The following LOXHD1 variants were observed in gnomAD, a reference collection of about 807,000 sequenced individuals.
LOXHD1 encodes the protein lipoxygenase homology PLAT domains 1, also known as lipoxygenase homology domain-containing protein 1.
In LOXHD1, 205 loss-of-function variants were observed where a neutral mutation model predicts 248.2. The ratio of observed to expected loss-of-function variants is 0.83; its 90% CI spans 0.74 to 0.93. LOXHD1 has a LOEUF of 0.93. Ranked by LOEUF, LOXHD1 falls within the 40% of genes least tolerant of loss-of-function variation. The probability of loss-of-function intolerance (pLI) is 0.00; values close to 1 mark genes in which losing one functional copy is unlikely to be tolerated. For synonymous variants in LOXHD1, 1,113 were observed against 1,162.8 expected (o/e 0.96, Z 0.87); for missense variants, 2,930 against 2,971.6 (o/e 0.99, Z 0.33).
intron 12 of LOXHD1, among the ~76,000 whole-genome samples, chr18:46,591,408 G>A (rs960000930): frequency 3.9e-5 from 6 of 152,172 alleles, no homozygotes; most frequent in Non-Finnish European, 7.4e-5. Context: ...TACCAGTACC[G>A]TGCTTCTATA....
At chr18:46,509,847 GAAGC>G (rs2034847637) in intron 34 of LOXHD1, 32 bp from the exon 35 acceptor site, 1 of 784,718 alleles carries the variant, frequency 1.3e-6, no homozygotes, top group Non-Finnish European at 2.0e-6. Context: ...ATGAAGAAGG[GAAGC>G]TGGCCATTGG....
rs1283823427 is a variant in LOXHD1 at position 46,560,718 on chromosome 18, C to CAG, written c.2599-174_2599-173insCT. Among the ~76,000 whole-genome samples, 12 of 152,346 alleles carry CAG rather than the reference C, an allele frequency of 7.9e-5. No individual in the cohort carries two copies. The East Asian group carries it at 2.3e-3, about 29-fold the overall frequency. On this transcript the variant is annotated intron_variant, in intron 18 of 40. Transcript: ENST00000642948. ...CACCACCTCCCTCTCTCCGGCCACACCTGTCCTGGGTCCCCTGGGATTACC... is the reference window on the plus strand; with the variant it reads ...CACCACCTCCCTCTCTCCGGCCACACAGCTGTCCTGGGTCCCCTGGGATTACC...
At chr18:46,483,809 CG>C in intron 39 of LOXHD1, 64 bp from the exon 40 acceptor site, 1 of 1,509,008 alleles carries the variant, frequency 6.6e-7, no homozygotes, top group Admixed American at 2.0e-5. Context: ...AAGCATTTGT[CG>C]GGGGCCTGCT....
intron 4 of LOXHD1, among the ~76,000 whole-genome samples, chr18:46,623,656 G>A (rs1423570619): frequency 3.9e-5 from 6 of 152,254 alleles, no homozygotes; most frequent in African/African-American, 1.4e-4. Context: ...CAGGAAATCC[G>A]TCCCTTGCCG....
intron 1 of LOXHD1, among the ~76,000 whole-genome samples, chr18:46,654,356 A>C (rs1349998615): frequency 2.0e-5 from 3 of 152,194 alleles, no homozygotes; most frequent in African/African-American, 7.2e-5. Flanking sequence ...TTGCATCCCA[A>C]CAGATGCTGG....
intron 2 of LOXHD1, among the ~76,000 whole-genome samples, chr18:46,645,916 A>G (rs1167028933): frequency 6.6e-6 from 1 of 152,202 alleles, no homozygotes; most frequent in Non-Finnish European, 1.5e-5. Flanking sequence ...GGGATGAGAC[A>G]TGACGAGAGA....
At chr18:46,528,291 G>C (rs2035912048) in intron 29 of LOXHD1, among the ~76,000 whole-genome samples, 1 of 152,100 alleles carries the variant, frequency 6.6e-6, no homozygotes. Flanking sequence ...AGTGCATGGA[G>C]AGGAGAAGGA....
At chr18:46,590,317 G>T (rs1009951496) in intron 12 of LOXHD1, among the ~76,000 whole-genome samples, 1 of 152,188 alleles carries the variant, frequency 6.6e-6, no homozygotes, top group African/African-American at 2.4e-5. Flanking sequence ...AGACCGGAAA[G>T]GATTCATCAG....
chr18:46,537,757 A>G (rs1282402787), intron 26 of LOXHD1, among the ~76,000 whole-genome samples: 2 of 152,224 alleles, frequency 1.3e-5, no homozygotes, highest in African/African-American at 4.8e-5. Flanking sequence ...ACCCTAGCCC[A>G]TGACCACTGG....
intron 17 of LOXHD1, among the ~76,000 whole-genome samples, chr18:46,563,929 T>G (rs997995027): frequency 6.6e-6 from 1 of 151,936 alleles, no homozygotes; most frequent in African/African-American, 2.4e-5. Flanking sequence ...GAGAGAGCGA[T>G]CCATCGAAAA....
intron 4 of LOXHD1, among the ~76,000 whole-genome samples, chr18:46,633,537 GA>G (rs1305848808): frequency 2.0e-5 from 3 of 152,084 alleles, no homozygotes; most frequent in Non-Finnish European, 4.4e-5. Context: ...AAACATGGGA[GA>G]AAAATCTTCA....
intron 25 of LOXHD1, 75 bp from the exon 26 acceptor site, chr18:46,538,412 T>C: frequency 7.0e-7 from 1 of 1,421,446 alleles, no homozygotes; most frequent in Non-Finnish European, 9.7e-7. Context: ...AGCCAGTTCT[T>C]CACCAGCACA....
In LOXHD1 at chr18:46,632,725, C is replaced by T. The variant is rs140364614; in HGVS notation, c.511+6891G>A. On this transcript the variant is annotated intron_variant, in intron 4 of 40. Transcript: ENST00000642948. ...ACTCTGTTCCCAGGGATAATAAATGCGGATATGCTGGAAAAGCGGTTGCCA... is the reference window on the plus strand; with the variant it reads ...ACTCTGTTCCCAGGGATAATAAATGTGGATATGCTGGAAAAGCGGTTGCCA... 3.2e-3 allele frequency among the ~76,000 whole-genome samples: 491 copies of T among 152,248 alleles called. 4 individuals carry two copies. Among genetic ancestry groups the T allele is most frequent in the African/African-American group, 0.011 (449 of 41,550 alleles).
intron 12 of LOXHD1, among the ~76,000 whole-genome samples, chr18:46,588,071 T>C (rs2038095280): frequency 6.6e-6 from 1 of 152,156 alleles, no homozygotes; most frequent in Non-Finnish European, 1.5e-5. Flanking sequence ...AGGACGTCTT[T>C]ACACATTATA....
chr18:46,649,522 T>G (rs328180), intron 1 of LOXHD1, among the ~76,000 whole-genome samples: 139,022 of 152,242 alleles, frequency 0.91, 63,535 homozygotes, highest in African/African-American at 0.93. Flanking sequence ...GTCCTGCACG[T>G]TATCAACACC....
intron 5 of LOXHD1, among the ~76,000 whole-genome samples, chr18:46,613,872 C>T (rs2038544486): frequency 6.6e-6 from 1 of 152,110 alleles, no homozygotes; most frequent in African/African-American, 2.4e-5. Context: ...CTGGAATAAA[C>T]CCTACAGAGT....
rs71162809 is a variant in LOXHD1, at chr18:46,573,022, CAAAAAA to C, written c.1971-866_1971-861del. Among the ~76,000 whole-genome samples the C allele has an allele frequency of 3.8e-4, 22 of 57,392 alleles. No homozygotes were observed. In the East Asian group the frequency reaches 0.011, roughly 29 times the overall value. The allele number at this position is 57,392 out of a possible 152,430, so 37.7% of individuals were successfully genotyped here. On this transcript the variant is annotated intron_variant, in intron 14 of 40. Coordinates refer to ENST00000642948, the MANE Select transcript of LOXHD1 (RefSeq NM_001384474.1). ...TGGGCGACAGGGTGAGACTCCGTCT[CAAAAAA>C]AAAAAAAAAAAAAAAAAAGACAGGA...
chr18:46,560,048 T>TGCCCCC, intron 19 of LOXHD1, 35 bp downstream of exon 19: 7 of 1,226,294 alleles, frequency 5.7e-6, no homozygotes, highest in Non-Finnish European at 7.9e-6. Context: ...GTCTGGCCAC[T>TGCCCCC]CCCTCCCCAC....
rs1421841804 is a variant in LOXHD1 at position 46,657,105 on chromosome 18, C to T, written c.-72G>A. On this transcript the variant is annotated 5_prime_UTR_variant, in exon 1 of 41. Coordinates refer to ENST00000642948, the MANE Select transcript of LOXHD1 (RefSeq NM_001384474.1). ...TCCTCACACCTGCGGGAACCTGAGA[C>T]CTCCTCCCTGAGCTCTGGCGCCCAC... The T allele has an allele frequency of 1.9e-6, 3 of 1,549,374 alleles. No individual in the cohort carries two copies. Among genetic ancestry groups the T allele is most frequent in the South Asian group, 1.2e-5 (1 of 83,814 alleles).
Sources: allele counts gnomAD v4.1 joint callset (sites outside exome capture counted in the v4.1 genomes callset), GRCh38; gene constraint gnomAD v4.1.1; transcripts MANE v1.5; gene names NCBI Gene and HGNC (gene_info 2026-07-23, HGNC 2026-07-21).